The following SNX4 variants were observed in gnomAD, a reference collection of about 807,000 sequenced individuals.
The protein encoded by SNX4 is sorting nexin 4.
In SNX4, 49 loss-of-function variants were observed where a neutral mutation model predicts 70.8. The ratio of observed to expected loss-of-function variants is 0.69; its 90% CI spans 0.55 to 0.88. SNX4 has a LOEUF of 0.88. SNX4 is among the 40% of genes least tolerant of loss of function. The probability of loss-of-function intolerance (pLI) is 0.00; values close to 1 mark genes in which losing one functional copy is unlikely to be tolerated. For missense variants in SNX4, 528 were observed against 544.8 expected (o/e 0.97, Z 0.31); for synonymous variants, 206 against 183.8 (o/e 1.12, Z -0.98).
At chr3:125,479,724 C>T (rs1335482318) in intron 7 of SNX4, among the ~76,000 whole-genome samples, 1 of 152,114 alleles carries the variant, frequency 6.6e-6, no homozygotes, top group Non-Finnish European at 1.5e-5. Context: ...GGTACATTTT[C>T]CAGGTACATT....
intron 1 of SNX4, among the ~76,000 whole-genome samples, chr3:125,513,914 C>T (rs1935220411): frequency 6.6e-6 from 1 of 152,022 alleles, no homozygotes; most frequent in African/African-American, 2.4e-5. Flanking sequence ...GCTCACAGTC[C>T]CGGAGGCTGG....
chr3:125,458,683 A>G (rs1169797910), intron 10 of SNX4, among the ~76,000 whole-genome samples: 7 of 151,802 alleles, frequency 4.6e-5, no homozygotes, highest in East Asian at 1.9e-4. Context: ...GAGAGGTGGC[A>G]GGCGCCTGTA....
chr3:125,460,190 G>C (rs4464393), intron 10 of SNX4, among the ~76,000 whole-genome samples: 77,702 of 140,592 alleles, frequency 0.55, 22,699 homozygotes, highest in African/African-American at 0.78. Context: ...CCAAACTCTA[G>C]TCTGTCTCAA....
intron 6 of SNX4, among the ~76,000 whole-genome samples, chr3:125,483,858 G>A (rs1003185464): frequency 1.3e-5 from 2 of 152,006 alleles, no homozygotes; most frequent in Non-Finnish European, 2.9e-5. Flanking sequence ...TGAAAACGAG[G>A]GTATAACTTC....
intron 7 of SNX4, 78 bp from the exon 8 acceptor site, chr3:125,476,834 A>G: frequency 1.3e-6 from 1 of 771,826 alleles, no homozygotes; most frequent in East Asian, 2.7e-5. Flanking sequence ...AAAAAACAAA[A>G]AACATGCTTA....
At chr3:125,507,478 T>A (rs971672481) in intron 1 of SNX4, among the ~76,000 whole-genome samples, 3 of 152,104 alleles carry the variant, frequency 2.0e-5, no homozygotes, top group Non-Finnish European at 4.4e-5. Flanking sequence ...GAAGGGACAG[T>A]ATCTGAAGAA....
chr3:125,482,765 T>C (rs997381729), intron 6 of SNX4, among the ~76,000 whole-genome samples: 3 of 152,066 alleles, frequency 2.0e-5, no homozygotes, highest in Non-Finnish European at 2.9e-5. Flanking sequence ...AGTGGTGAAG[T>C]TGAGGACATC....
At chr3:125,477,494 T>C (rs915923519) in intron 7 of SNX4, among the ~76,000 whole-genome samples, 5 of 152,158 alleles carry the variant, frequency 3.3e-5, no homozygotes, top group African/African-American at 1.2e-4. Flanking sequence ...GAAAACAAAC[T>C]GGAAGACCAA....
intron 13 of SNX4, among the ~76,000 whole-genome samples, chr3:125,450,525 A>T (rs1933545964): frequency 6.6e-6 from 1 of 152,230 alleles, no homozygotes. Context: ...GAGATAATGC[A>T]TGTAAAAGTG....
At position 125,513,322 on chromosome 3, in the gene SNX4, C is replaced by A. The variant is rs1409045309; in HGVS notation, c.141+6710G>T. 2.0e-5 allele frequency among the ~76,000 whole-genome samples: 3 copies of A among 152,218 alleles called. No individual in the cohort carries two copies. In the East Asian group the frequency reaches 5.8e-4, roughly 29 times the overall value. On this transcript the variant is annotated intron_variant, in intron 1 of 13. Transcript: ENST00000251775. Reference sequence around the variant, plus strand: ...AGTTCCTTAATCTTGGACTTCCCAGCCTCGAAGACTGTAAGCAATTCATTG... The same window carrying A: ...AGTTCCTTAATCTTGGACTTCCCAGACTCGAAGACTGTAAGCAATTCATTG...
intron 10 of SNX4, among the ~76,000 whole-genome samples, chr3:125,458,070 G>A (rs1322820670): frequency 6.6e-6 from 1 of 151,538 alleles, no homozygotes; most frequent in Non-Finnish European, 1.5e-5. Context: ...CTTACATAAT[G>A]TAAGAACTAA....
chr3:125,499,098 G>A (rs1934870807), intron 2 of SNX4, among the ~76,000 whole-genome samples: 1 of 152,196 alleles, frequency 6.6e-6, no homozygotes, highest in African/African-American at 2.4e-5. Flanking sequence ...TAAAGGGCTG[G>A]TAGGCAATGC....
At chr3:125,479,354 C>A (rs1185168872) in intron 7 of SNX4, among the ~76,000 whole-genome samples, 1 of 151,852 alleles carries the variant, frequency 6.6e-6, no homozygotes, top group Non-Finnish European at 1.5e-5. Context: ...AGGAGGAGTT[C>A]GAGACCAGCC....
intron 6 of SNX4, among the ~76,000 whole-genome samples, chr3:125,488,596 T>C (rs1485063807): frequency 1.3e-5 from 2 of 152,210 alleles, no homozygotes; most frequent in African/African-American, 4.8e-5. Flanking sequence ...CAGGGGCATT[T>C]TGTTAATATG....
intron 7 of SNX4, among the ~76,000 whole-genome samples, chr3:125,477,668 T>C (rs1209077044): frequency 6.6e-6 from 1 of 152,170 alleles, no homozygotes; most frequent in Admixed American, 6.5e-5. Context: ...CATCTTACAG[T>C]GACAGAACCG....
chr3:125,476,258 T>C (rs1579988056), intron 8 of SNX4, among the ~76,000 whole-genome samples: 2 of 88,920 alleles, frequency 2.2e-5, no homozygotes, highest in Admixed American at 1.7e-4. Flanking sequence ...AGAGCAAGAC[T>C]CCATCTCAAA....
At chr3:125,490,484 ACGGCACTC>A (rs1934630119) in intron 5 of SNX4, among the ~76,000 whole-genome samples, 1 of 146,866 alleles carries the variant, frequency 6.8e-6, no homozygotes, top group African/African-American at 2.6e-5. Flanking sequence ...AGATCGTGCC[ACGGCACTC>A]CAGCCTGGGC....
chr3:125,519,762 G>C (rs4679402), intron 1 of SNX4, among the ~76,000 whole-genome samples: 73,214 of 151,708 alleles, frequency 0.48, 18,574 homozygotes, highest in African/African-American at 0.65. Context: ...CGCCCCCCCG[G>C]GTCCCTTTCC....
intron 10 of SNX4, 51 bp downstream of exon 10, chr3:125,460,720 G>T (rs778532570): frequency 1.2e-6 from 1 of 808,422 alleles, no homozygotes; most frequent in Non-Finnish European, 2.0e-6. Context: ...GGCATATGAG[G>T]AGAGTGGTGA....
Sources: allele counts gnomAD v4.1 joint callset (sites outside exome capture counted in the v4.1 genomes callset), GRCh38; gene constraint gnomAD v4.1.1; transcripts MANE v1.5; gene names NCBI Gene and HGNC (gene_info 2026-07-23, HGNC 2026-07-21).